VWA3B: variants seen among roughly 807,000 people sequenced by gnomAD.
VWA3B encodes von Willebrand factor A domain-containing protein 3B.
VWA3B carries 138 observed loss-of-function variants against 158.3 expected under a neutral mutation model. The observed-to-expected ratio is 0.87, with a 90% CI of 0.76 to 1.00. The LOEUF (loss-of-function observed/expected upper bound fraction) is 1.00. Among genes scored for constraint, VWA3B ranks in the 50% least tolerant of loss-of-function variants. The probability of loss-of-function intolerance (pLI) is 0.00; values close to 1 mark genes in which losing one functional copy is unlikely to be tolerated. For missense variants in VWA3B, 1,555 were observed against 1,565.1 expected (o/e 0.99, Z 0.11); for synonymous variants, 596 against 587.3 (o/e 1.01, Z -0.21).
At chr2:98,280,430 G>A (rs17493543) in intron 22 of VWA3B, among the ~76,000 whole-genome samples, 5,906 of 152,288 alleles carry the variant, frequency 0.039, 170 homozygotes, top group Middle Eastern at 0.075. Context: ...TTGACTGGAG[G>A]TTTTGCTTTC....
rs765141959 is a variant in VWA3B, at chr2:98,312,209, C to G, written c.3745C>G (p.Leu1249Val). ...GTHPEPRTAH[L>V]HFPAAGRLGL... ...AACTCTGCTTCCCCAGACAGCCCACCTCCACTTCCCCGCGGCCGGGCGTCT... is the reference window on the plus strand; with the variant it reads ...AACTCTGCTTCCCCAGACAGCCCACGTCCACTTCCCCGCGGCCGGGCGTCT... Residue 1249 changes from leucine to valine, a missense_variant, in exon 28 of 28, where the codon CTC becomes GTC. Leu to Val is a conservative substitution (Grantham distance 32). Transcript: ENST00000477737. 1.2e-6 allele frequency: 2 copies of G among 1,614,222 alleles called. No homozygotes were observed. Among genetic ancestry groups the G allele is most frequent in the South Asian group, 2.2e-5 (2 of 91,090 alleles).
chr2:98,303,667 TTTAAG>T lies in VWA3B; in HGVS notation c.3421-32_3421-28del, dbSNP rs754073740. On this transcript the variant is annotated intron_variant, in intron 25 of 27. Transcript: ENST00000477737. ...GTATCTGAATTGTGGACATTTCTGA[TTTAAG>T]TTGAGTGAACTCTGTTGGTATTATT... The T allele has an allele frequency of 2.5e-6, 4 of 1,590,016 alleles. No homozygotes were observed. In the South Asian group the frequency reaches 3.3e-5, roughly 13 times the overall value.
chr2:98,249,912 A>G (rs1223017369), intron 19 of VWA3B, among the ~76,000 whole-genome samples: 8 of 152,192 alleles, frequency 5.3e-5, no homozygotes, highest in Admixed American at 1.3e-4. Flanking sequence ...AATATATGAA[A>G]AAGGTGTTTA....
chr2:98,120,685 A>C (rs1316131214), intron 4 of VWA3B, among the ~76,000 whole-genome samples: 1 of 152,232 alleles, frequency 6.6e-6, no homozygotes, highest in Admixed American at 6.5e-5. Flanking sequence ...AATTGAGATA[A>C]TTCAAATGGC....
intron 14 of VWA3B, among the ~76,000 whole-genome samples, chr2:98,226,123 T>A (rs973996186): frequency 1.5e-4 from 23 of 152,180 alleles, no homozygotes; most frequent in Non-Finnish European, 2.5e-4. Flanking sequence ...TAAAAATGTT[T>A]AAACAATCTT....
chr2:98,188,211 AT>A, intron 10 of VWA3B, 82 bp downstream of exon 10: 1 of 1,521,602 alleles, frequency 6.6e-7, no homozygotes, highest in Non-Finnish European at 8.9e-7. Context: ...CCTCCCTTTT[AT>A]TTTTAGTTGA....
intron 19 of VWA3B, among the ~76,000 whole-genome samples, chr2:98,245,042 A>G (rs956381607): frequency 1.3e-5 from 2 of 152,056 alleles, no homozygotes; most frequent in African/African-American, 4.8e-5. Flanking sequence ...CTTGTCACAT[A>G]TGGTGTAATT....
chr2:98,181,658 A>C (rs1458986977), intron 9 of VWA3B, among the ~76,000 whole-genome samples: 1 of 152,202 alleles, frequency 6.6e-6, no homozygotes, highest in African/African-American at 2.4e-5. Flanking sequence ...CCCAGCAAAT[A>C]AGGAGTCAGA....
At chr2:98,139,944 C>T (rs1209667599) in intron 7 of VWA3B, among the ~76,000 whole-genome samples, 1 of 152,176 alleles carries the variant, frequency 6.6e-6, no homozygotes, top group African/African-American at 2.4e-5. Context: ...TGAGCTGTAA[C>T]ACTCACCGCA....
intron 21 of VWA3B, among the ~76,000 whole-genome samples, chr2:98,270,099 C>T (rs1688104122): frequency 6.6e-6 from 1 of 151,698 alleles, no homozygotes; most frequent in African/African-American, 2.4e-5. Flanking sequence ...CCCTGGAGTC[C>T]CACCGCCTGC....
chr2:98,301,304 AC>A (rs1458110217), intron 25 of VWA3B, among the ~76,000 whole-genome samples: 3 of 151,890 alleles, frequency 2.0e-5, no homozygotes, highest in African/African-American at 4.8e-5. Context: ...AAACAAAAAA[AC>A]AAAACAAAAA....
At chr2:98,256,291 A>G (rs991493251) in intron 21 of VWA3B, 117 bp downstream of exon 21, 3 of 1,167,102 alleles carry the variant, frequency 2.6e-6, no homozygotes, top group African/African-American at 3.1e-5. Context: ...ATGTTCTGCA[A>G]ACCACTACCT....
intron 19 of VWA3B, among the ~76,000 whole-genome samples, chr2:98,248,511 C>A (rs1177011779): frequency 6.6e-6 from 1 of 152,136 alleles, no homozygotes; most frequent in East Asian, 1.9e-4. Context: ...CAAAGAGTGC[C>A]TTGATTTAGG....
chr2:98,172,476 G>A (rs1679679873), intron 8 of VWA3B, among the ~76,000 whole-genome samples: 1 of 152,190 alleles, frequency 6.6e-6, no homozygotes, highest in Non-Finnish European at 1.5e-5. Context: ...CAGAATGGGG[G>A]CGTGACAGGC....
chr2:98,221,453 G>A (rs1330916728), intron 14 of VWA3B, among the ~76,000 whole-genome samples: 1 of 152,168 alleles, frequency 6.6e-6, no homozygotes. Context: ...GCCAAACAGG[G>A]AGTTAATCTT....
At chr2:98,100,813 C>T (rs141989579) in intron 2 of VWA3B, among the ~76,000 whole-genome samples, 2 of 152,222 alleles carry the variant, frequency 1.3e-5, no homozygotes, top group East Asian at 3.9e-4. Context: ...AGGGGTGATG[C>T]AGGTAAGGTA....
At chr2:98,139,963 C>T (rs1277140139) in intron 7 of VWA3B, among the ~76,000 whole-genome samples, 4 of 152,180 alleles carry the variant, frequency 2.6e-5, no homozygotes, top group Non-Finnish European at 5.9e-5. Context: ...CAAAGGTCTG[C>T]AGCTTCACTC....
In VWA3B at chr2:98,218,510, A is replaced by G. The variant is rs191366886; in HGVS notation, c.2019+482A>G. Reference sequence around the variant, plus strand: ...ACTGCTATACACAGATATTTGTAGAAAATGAAACAATGTCAGATGTAGGTG... The same window carrying G: ...ACTGCTATACACAGATATTTGTAGAGAATGAAACAATGTCAGATGTAGGTG... On this transcript the variant is annotated intron_variant, in intron 14 of 27. Transcript: ENST00000477737. Among the ~76,000 whole-genome samples the G allele has an allele frequency of 6.6e-5, 10 of 152,350 alleles. 1 individual carries two copies. In the South Asian group the frequency reaches 1.9e-3, roughly 28 times the overall value.
intron 1 of VWA3B, among the ~76,000 whole-genome samples, chr2:98,092,327 G>C (rs1416027235): frequency 6.6e-6 from 1 of 152,218 alleles, no homozygotes; most frequent in Non-Finnish European, 1.5e-5. Flanking sequence ...CAAAATGGAA[G>C]AGCTTTGCAG....
Sources: allele counts gnomAD v4.1 joint callset (sites outside exome capture counted in the v4.1 genomes callset), GRCh38; gene constraint gnomAD v4.1.1; transcripts MANE v1.5; gene names NCBI Gene and HGNC (gene_info 2026-07-23, HGNC 2026-07-21).